The following FBXL7 variants were observed in gnomAD, a reference collection of about 807,000 sequenced individuals.
FBXL7 encodes the protein F-box/LRR-repeat protein 7.
In FBXL7, 12 loss-of-function variants were observed where a neutral mutation model predicts 38.3. The observed-to-expected ratio is 0.31, with a 90% CI of 0.20 to 0.51. The LOEUF (loss-of-function observed/expected upper bound fraction) is 0.51. FBXL7 is among the 20% of genes least tolerant of loss of function. FBXL7 has a pLI of 0.98. For missense variants in FBXL7, 567 were observed against 676.4 expected (o/e 0.84, Z 1.79); for synonymous variants, 297 against 300.9 (o/e 0.99, Z 0.13).
At chr5:15,781,857 T>C (rs927318308) in intron 2 of FBXL7, among the ~76,000 whole-genome samples, 14 of 152,214 alleles carry the variant, frequency 9.2e-5, no homozygotes, top group East Asian at 3.9e-4. Flanking sequence ...ATACTTTAAG[T>C]TCTGGGATAC....
intron 2 of FBXL7, among the ~76,000 whole-genome samples, chr5:15,802,677 A>G (rs1461197309): frequency 6.6e-6 from 1 of 150,616 alleles, no homozygotes; most frequent in African/African-American, 2.5e-5. Context: ...TTTTAAAGAC[A>G]GAGTCTCATG....
intron 2 of FBXL7, among the ~76,000 whole-genome samples, chr5:15,765,262 T>C (rs977097280): frequency 1.1e-4 from 16 of 152,256 alleles, no homozygotes; most frequent in African/African-American, 3.6e-4. Context: ...CTTTATGATC[T>C]TGGTACTGAG....
Position 15,937,228 on chromosome 5 carries a change from A to G in FBXL7, c.*42A>G. 1 of 1,496,526 alleles carries G rather than the reference A, an allele frequency of 6.7e-7. No homozygotes were observed. The highest frequency in any genetic ancestry group is 8.9e-7 in the Non-Finnish European group (1 of 1,125,444). 92.7% of individuals were successfully genotyped at this position (1,496,526 alleles called of 1,614,324 possible). A position where few individuals can be genotyped will look rare whatever the true frequency, so the allele number is the denominator to read the frequency against. On this transcript the variant is annotated 3_prime_UTR_variant, in exon 4 of 4. Coordinates refer to ENST00000504595, the MANE Select transcript of FBXL7 (RefSeq NM_012304.5). ...CGGCGTTGTATTCACACAAACCTGAACAAAGCAAATTTTTTTAAAAGCAGC... is the reference window on the plus strand; with the variant it reads ...CGGCGTTGTATTCACACAAACCTGAGCAAAGCAAATTTTTTTAAAAGCAGC...
At chr5:15,566,213 C>G (rs1738567735) in intron 1 of FBXL7, among the ~76,000 whole-genome samples, 1 of 152,048 alleles carries the variant, frequency 6.6e-6, no homozygotes, top group African/African-American at 2.4e-5. Context: ...GGGTGGGGTT[C>G]AAGCTTGCTA....
chr5:15,823,866 T>C (rs953443525), intron 2 of FBXL7, among the ~76,000 whole-genome samples: 2 of 152,200 alleles, frequency 1.3e-5, no homozygotes, highest in African/African-American at 4.8e-5. Flanking sequence ...GAGCACACTT[T>C]GACCTGGCAT....
intron 2 of FBXL7, among the ~76,000 whole-genome samples, chr5:15,920,254 C>A (rs1274435622): frequency 6.9e-6 from 1 of 145,086 alleles, no homozygotes; most frequent in Non-Finnish European, 1.5e-5. Flanking sequence ...GAGACTCCAT[C>A]TCAAAAAAAA....
intron 2 of FBXL7, among the ~76,000 whole-genome samples, chr5:15,926,915 C>T (rs1741890238): frequency 6.6e-6 from 1 of 151,908 alleles, no homozygotes; most frequent in African/African-American, 2.4e-5. Flanking sequence ...CACTACTCTT[C>T]CTGTCTTCTG....
intron 2 of FBXL7, among the ~76,000 whole-genome samples, chr5:15,715,894 C>T (rs188008226): frequency 5.9e-4 from 90 of 152,274 alleles, no homozygotes; most frequent in Non-Finnish European, 8.7e-4. Context: ...TACCTGTAAA[C>T]ATCAAGCCCA....
chr5:15,750,249 T>C (rs1382603962), intron 2 of FBXL7, among the ~76,000 whole-genome samples: 1 of 152,226 alleles, frequency 6.6e-6, no homozygotes, highest in African/African-American at 2.4e-5. Context: ...ATAATAACTA[T>C]ACACTGTAAG....
At chr5:15,830,524 A>ACG (rs1554024727) in intron 2 of FBXL7, among the ~76,000 whole-genome samples, 2 of 147,996 alleles carry the variant, frequency 1.4e-5, no homozygotes, top group Non-Finnish European at 3.0e-5. Flanking sequence ...ACACACACAC[A>ACG]CGGAAAATTT....
chr5:15,922,278 A>G (rs12188594), intron 2 of FBXL7, among the ~76,000 whole-genome samples: 53,871 of 151,856 alleles, frequency 0.35, 9,844 homozygotes, highest in Admixed American at 0.52. Flanking sequence ...CCTGCTCTAC[A>G]TATGTTCTGG....
chr5:15,728,032 A>G (rs1366131770), intron 2 of FBXL7, among the ~76,000 whole-genome samples: 3 of 151,980 alleles, frequency 2.0e-5, no homozygotes, highest in African/African-American at 4.8e-5. Flanking sequence ...TGAATCTTTC[A>G]TTTCACTTAT....
At chr5:15,673,301 A>G (rs1463989679) in intron 2 of FBXL7, among the ~76,000 whole-genome samples, 1 of 152,058 alleles carries the variant, frequency 6.6e-6, no homozygotes. Context: ...GGGTGACAAG[A>G]GCGAGACTCC....
chr5:15,801,586 T>C (rs1052428522), intron 2 of FBXL7, among the ~76,000 whole-genome samples: 9 of 152,050 alleles, frequency 5.9e-5, no homozygotes, highest in African/African-American at 2.2e-4. Context: ...AGCCAGAGTT[T>C]TGAAATATTC....
At chr5:15,849,794 C>T (rs1283564151) in intron 2 of FBXL7, among the ~76,000 whole-genome samples, 1 of 152,134 alleles carries the variant, frequency 6.6e-6, no homozygotes, top group Non-Finnish European at 1.5e-5. Flanking sequence ...TGACAGTTTA[C>T]CCAAATTCAT....
intron 2 of FBXL7, among the ~76,000 whole-genome samples, chr5:15,694,887 C>G (rs1322438252): frequency 6.6e-6 from 1 of 152,174 alleles, no homozygotes; most frequent in Non-Finnish European, 1.5e-5. Context: ...GCTAGAAGAA[C>G]AGCCGAGTAA....
intron 2 of FBXL7, among the ~76,000 whole-genome samples, chr5:15,677,205 C>T (rs997109669): frequency 2.0e-5 from 3 of 152,194 alleles, no homozygotes; most frequent in Non-Finnish European, 2.9e-5. Context: ...CGCAGTGGCT[C>T]ACGCCGGAAA....
intron 2 of FBXL7, among the ~76,000 whole-genome samples, chr5:15,809,974 A>G (rs946223077): frequency 1.3e-5 from 2 of 152,222 alleles, no homozygotes; most frequent in Non-Finnish European, 2.9e-5. Context: ...CTGGATTCCT[A>G]GAATTTCTTT....
rs975969591 is a variant in FBXL7 at position 15,782,409 on chromosome 5, T to C, written c.128-145481T>C. Among the ~76,000 whole-genome samples, 3 of 152,190 alleles carry C rather than the reference T, an allele frequency of 2.0e-5. No individual in the cohort carries two copies. The East Asian group carries it at 5.8e-4, about 29-fold the overall frequency. On this transcript the variant is annotated intron_variant, in intron 2 of 3. Coordinates refer to ENST00000504595, the MANE Select transcript of FBXL7 (RefSeq NM_012304.5). ...ATCCTTGAGGAATTGCCACAGTGTC[T>C]TCCACAATGGTTGAATTAATTTACA... is the stretch of plus-strand genomic sequence containing the variant.
Sources: allele counts gnomAD v4.1 joint callset (sites outside exome capture counted in the v4.1 genomes callset), GRCh38; gene constraint gnomAD v4.1.1; transcripts MANE v1.5; gene names NCBI Gene and HGNC (gene_info 2026-07-23, HGNC 2026-07-21).